SLIT3: variants seen among roughly 807,000 people sequenced by gnomAD.
SLIT3 encodes slit homolog 3 protein.
SLIT3 carries 68 observed loss-of-function variants against 184.0 expected under a neutral mutation model. That is an observed-to-expected ratio of 0.37 (90% CI 0.30 to 0.45). The LOEUF (loss-of-function observed/expected upper bound fraction) is 0.45, where lower values mean the gene tolerates loss of function less well. Ranked by LOEUF, SLIT3 falls within the 20% of genes least tolerant of loss-of-function variation. The pLI, the probability that SLIT3 is intolerant of heterozygous loss-of-function variation, is 1.00. For missense variants in SLIT3, 1,707 were observed against 2,026.0 expected (o/e 0.84, Z 3.02); for synonymous variants, 831 against 828.6 (o/e 1.00, Z -0.05).
At chr5:168,946,255 G>T (rs973178971) in intron 4 of SLIT3, among the ~76,000 whole-genome samples, 4 of 152,142 alleles carry the variant, frequency 2.6e-5, no homozygotes, top group African/African-American at 9.7e-5. Flanking sequence ...AGAGACCAAG[G>T]GAGGGGACTC....
intron 6 of SLIT3, among the ~76,000 whole-genome samples, chr5:168,831,269 A>G (rs1201758614): frequency 2.3e-5 from 3 of 132,168 alleles, no homozygotes; most frequent in South Asian, 2.4e-4. Flanking sequence ...TGGGTCTCCA[A>G]GGGCATATGA....
At chr5:168,792,862 C>T (rs78731469) in intron 10 of SLIT3, among the ~76,000 whole-genome samples, 40 of 152,272 alleles carry the variant, frequency 2.6e-4, no homozygotes, top group African/African-American at 8.7e-4. Flanking sequence ...ACTGACATGA[C>T]GTCACAAGTG....
At chr5:168,773,662 T>A (rs1032223238) in intron 13 of SLIT3, among the ~76,000 whole-genome samples, 4 of 152,088 alleles carry the variant, frequency 2.6e-5, no homozygotes, top group African/African-American at 7.2e-5. Context: ...TGGGCTGAAA[T>A]CTGTACTTGG....
intron 4 of SLIT3, among the ~76,000 whole-genome samples, chr5:169,066,167 A>G (rs530372580): frequency 6.6e-6 from 1 of 152,334 alleles, no homozygotes; most frequent in African/African-American, 2.4e-5. Flanking sequence ...GCAGTCTGGA[A>G]TTTGTTAAAT....
intron 30 of SLIT3, among the ~76,000 whole-genome samples, chr5:168,686,273 G>A (rs1237134680): frequency 2.0e-5 from 3 of 152,168 alleles, no homozygotes; most frequent in East Asian, 3.9e-4. Flanking sequence ...CTAGAGTAGA[G>A]GTCCCTAAAC....
intron 4 of SLIT3, among the ~76,000 whole-genome samples, chr5:169,008,654 G>T (rs1561604000): frequency 6.6e-6 from 1 of 151,454 alleles, no homozygotes; most frequent in South Asian, 2.1e-4. Flanking sequence ...TGCTGCTGTT[G>T]TTGTTTTTTT....
At chr5:169,015,876 T>C (rs1221188048) in intron 4 of SLIT3, among the ~76,000 whole-genome samples, 1 of 151,244 alleles carries the variant, frequency 6.6e-6, no homozygotes, top group Non-Finnish European at 1.5e-5. Context: ...GCTATGATCA[T>C]GCCACTGCAC....
At chr5:169,155,664 TG>T (rs544496091) in intron 4 of SLIT3, among the ~76,000 whole-genome samples, 121 of 152,350 alleles carry the variant, frequency 7.9e-4, no homozygotes, top group African/African-American at 2.7e-3. Flanking sequence ...GGCAGAATTC[TG>T]AGGTTTTTCC....
rs541562317 is a variant in SLIT3 at position 168,767,233 on chromosome 5, A to ACG, written c.1460-4545_1460-4544insCG. ...AACCTCAGATAGACGAGGTAATAAG[A>ACG]GTCACACCTCATGATGGGGGCCCAG... On this transcript the variant is annotated intron_variant, in intron 14 of 35. Transcript: ENST00000519560. Among the ~76,000 whole-genome samples, 352 of 152,284 alleles carry ACG rather than the reference A, an allele frequency of 2.3e-3. 2 individuals carry two copies. The highest frequency in any genetic ancestry group is 7.6e-3 in the African/African-American group (316 of 41,572).
intron 5 of SLIT3, among the ~76,000 whole-genome samples, chr5:168,852,952 A>G (rs1758730401): frequency 6.6e-6 from 1 of 152,182 alleles, no homozygotes; most frequent in Admixed American, 6.5e-5. Flanking sequence ...TAAATTTAGG[A>G]ATTCTTTTTT....
chr5:168,754,720 A>G (rs1187683468), intron 16 of SLIT3, among the ~76,000 whole-genome samples: 4 of 152,348 alleles, frequency 2.6e-5, no homozygotes, highest in African/African-American at 9.6e-5. Flanking sequence ...GCATGTATCA[A>G]AATATCACGT....
intron 4 of SLIT3, among the ~76,000 whole-genome samples, chr5:168,925,387 A>G (rs1761783158): frequency 6.6e-6 from 1 of 152,146 alleles, no homozygotes; most frequent in South Asian, 2.1e-4. Context: ...TGCCATGTGG[A>G]GATTCTAAAT....
chr5:169,277,286 A>C (rs543532792), intron 1 of SLIT3, among the ~76,000 whole-genome samples: 6 of 152,108 alleles, frequency 3.9e-5, no homozygotes, highest in Non-Finnish European at 8.8e-5. Context: ...GCTGGAATGC[A>C]GTGGCATGAT....
chr5:168,899,671 A>G (rs896366092), intron 4 of SLIT3, among the ~76,000 whole-genome samples: 3 of 152,254 alleles, frequency 2.0e-5, no homozygotes, highest in Non-Finnish European at 4.4e-5. Flanking sequence ...GATGATTGCC[A>G]TAAAGAAAAA....
At chr5:169,156,188 G>A (rs569173754) in intron 4 of SLIT3, among the ~76,000 whole-genome samples, 1 of 152,300 alleles carries the variant, frequency 6.6e-6, no homozygotes, top group African/African-American at 2.4e-5. Context: ...AACTGGTAAA[G>A]AGAAAACGAA....
rs956794251 is a variant in SLIT3 at position 169,198,177 on chromosome 5, T to A, written c.342-4627A>T. Among the ~76,000 whole-genome samples, 7 of 152,354 alleles carry A rather than the reference T, an allele frequency of 4.6e-5. No individual in the cohort carries two copies. In the South Asian group the frequency reaches 6.2e-4, roughly 14 times the overall value. On this transcript the variant is annotated intron_variant, in intron 3 of 35. Transcript: ENST00000519560. ...ACAAAAATGAATAAGATACAGCCCC[T>A]TCTTTTAAAAATGTCATATGCTAGT...
chr5:168,668,738 C>A (rs1761136852), intron 35 of SLIT3, among the ~76,000 whole-genome samples: 1 of 152,110 alleles, frequency 6.6e-6, no homozygotes, highest in South Asian at 2.1e-4. Context: ...TGTGAGCCAC[C>A]ACTCCTGGCC....
In SLIT3 at chr5:168,753,846, C is replaced by T; in HGVS notation, c.1829+18G>A. 3.1e-6 allele frequency: 5 copies of T among 1,607,776 alleles called. No homozygotes were observed. The highest frequency in any genetic ancestry group is 4.2e-6 in the Non-Finnish European group (5 of 1,178,768). On this transcript the variant is annotated intron_variant, in intron 17 of 35. Coordinates refer to ENST00000519560, the MANE Select transcript of SLIT3 (RefSeq NM_003062.4). ...TCTCCCTCTGGGTCTTGGCCCAGGC[C>T]CCACCCCAGGCACTCACAAGGTTTT...
chr5:168,988,087 C>G (rs147013062), intron 4 of SLIT3, among the ~76,000 whole-genome samples: 2 of 152,206 alleles, frequency 1.3e-5, no homozygotes, highest in Non-Finnish European at 2.9e-5. Flanking sequence ...GGCTGGGCTT[C>G]GCCATCCTGC....
Sources: allele counts gnomAD v4.1 joint callset (sites outside exome capture counted in the v4.1 genomes callset), GRCh38; gene constraint gnomAD v4.1.1; transcripts MANE v1.5; gene names NCBI Gene and HGNC (gene_info 2026-07-23, HGNC 2026-07-21).